Variants in RNF214 observed in about 807,000 individuals in gnomAD.
RNF214 encodes the protein ring finger protein 214.
Under a neutral mutation model 75.9 loss-of-function variants are expected in RNF214, and 25 were observed. That is an observed-to-expected ratio of 0.33 (90% CI 0.24 to 0.46). The LOEUF (loss-of-function observed/expected upper bound fraction) is 0.46. Ranked by LOEUF, RNF214 falls within the 20% of genes least tolerant of loss-of-function variation. RNF214 has a pLI of 1.00. For missense variants in RNF214, 725 were observed against 857.5 expected, an observed-to-expected ratio of 0.85 and a Z score of 1.93; for synonymous variants, 314 against 308.8, an observed-to-expected ratio of 1.02 and a Z score of -0.18.
intron 6 of RNF214, among the ~76,000 whole-genome samples, chr11:117,265,616 T>C (rs762140298): frequency 6.6e-6 from 1 of 152,152 alleles, no homozygotes; most frequent in South Asian, 2.1e-4. Context: ...GGTTTCACCA[T>C]GTTGGCCAGG....
chr11:117,244,800 G>C (rs1198616410), intron 5 of RNF214, among the ~76,000 whole-genome samples: 2 of 151,866 alleles, frequency 1.3e-5, no homozygotes, highest in South Asian at 4.2e-4. Flanking sequence ...CAAGTAGCTG[G>C]GAACACAGGT....
chr11:117,247,505 A>AT (rs1032878748), intron 6 of RNF214, among the ~76,000 whole-genome samples: 2 of 151,840 alleles, frequency 1.3e-5, no homozygotes, highest in Admixed American at 1.3e-4. Context: ...TTAAAAAAAA[A>AT]TTTTTTTTAT....
intron 4 of RNF214, among the ~76,000 whole-genome samples, chr11:117,243,523 GTTA>G (rs2033135335): frequency 6.6e-6 from 1 of 152,048 alleles, no homozygotes; most frequent in Non-Finnish European, 1.5e-5. Flanking sequence ...TTTGAAAATG[GTTA>G]TTATTTAATG....
chr11:117,266,463 G>C (rs1034584133), intron 6 of RNF214, among the ~76,000 whole-genome samples: 1 of 151,866 alleles, frequency 6.6e-6, no homozygotes, highest in Non-Finnish European at 1.5e-5. Flanking sequence ...AGGCTTAAGC[G>C]ATCTTCCCGC....
At chr11:117,263,424 C>T (rs531657399) in intron 6 of RNF214, among the ~76,000 whole-genome samples, 58 of 151,988 alleles carry the variant, frequency 3.8e-4, no homozygotes, top group African/African-American at 1.3e-3. Flanking sequence ...TACAGGCACA[C>T]GCCACCATGC....
chr11:117,239,263 C>G (rs2033004854), intron 3 of RNF214, 152 bp downstream of exon 3: 1 of 688,950 alleles, frequency 1.5e-6, no homozygotes, highest in East Asian at 2.6e-5. Flanking sequence ...TCATACAGTG[C>G]CATACAATGA....
chr11:117,243,503 A>T (rs1042342881), intron 4 of RNF214, among the ~76,000 whole-genome samples: 7 of 152,040 alleles, frequency 4.6e-5, no homozygotes, highest in Admixed American at 3.3e-4. Context: ...TGTTTTAAAA[A>T]TTTTTTTTCT....
At chr11:117,284,169 G>A (rs28989520) in intron 14 of RNF214, among the ~76,000 whole-genome samples, 267 of 152,272 alleles carry the variant, frequency 1.8e-3, no homozygotes, top group Non-Finnish European at 3.4e-3. Context: ...AGCATTGTCA[G>A]AAGACTTTGC....
chr11:117,273,324 C>T (rs1282690515), intron 6 of RNF214, among the ~76,000 whole-genome samples: 1 of 151,744 alleles, frequency 6.6e-6, no homozygotes, highest in East Asian at 1.9e-4. Flanking sequence ...TCTGAAACCA[C>T]ATCAATAAAC....
At chr11:117,262,076 T>TTG (rs1380705597) in intron 6 of RNF214, among the ~76,000 whole-genome samples, 4 of 147,200 alleles carry the variant, frequency 2.7e-5, no homozygotes, top group African/African-American at 9.9e-5. Context: ...TTGGTTTTTC[T>TTG]TTTTTTTTTT....
intron 6 of RNF214, among the ~76,000 whole-genome samples, chr11:117,261,705 G>A (rs2033665836): frequency 6.6e-6 from 1 of 152,134 alleles, no homozygotes; most frequent in African/African-American, 2.4e-5. Flanking sequence ...GAGTGCCGTG[G>A]CATAGTCTCG....
chr11:117,272,693 C>G (rs1235650122), intron 6 of RNF214, among the ~76,000 whole-genome samples: 1 of 151,518 alleles, frequency 6.6e-6, no homozygotes, highest in Non-Finnish European at 1.5e-5. Flanking sequence ...AGGAAGAACT[C>G]CAAGGTCTTA....
intron 6 of RNF214, among the ~76,000 whole-genome samples, chr11:117,249,949 A>G (rs1218684287): frequency 1.2e-4 from 18 of 152,294 alleles, no homozygotes; most frequent in Admixed American, 1.2e-3. Context: ...TAACAATTGT[A>G]TTTCCTGTTT....
At chr11:117,238,249 A>G (rs1301276937) in intron 2 of RNF214, among the ~76,000 whole-genome samples, 1 of 152,170 alleles carries the variant, frequency 6.6e-6, no homozygotes, top group Non-Finnish European at 1.5e-5. Flanking sequence ...TGCAAAAAAT[A>G]CAAAAAATTA....
chr11:117,250,008 A>G (rs993001993), intron 6 of RNF214, among the ~76,000 whole-genome samples: 1 of 152,242 alleles, frequency 6.6e-6, no homozygotes, highest in Non-Finnish European at 1.5e-5. Flanking sequence ...AGTATCTACT[A>G]TGAGCCAGAC....
intron 2 of RNF214, among the ~76,000 whole-genome samples, chr11:117,235,152 C>T (rs1319510390): frequency 6.6e-6 from 1 of 152,140 alleles, no homozygotes; most frequent in East Asian, 1.9e-4. Context: ...CAGATGCAAC[C>T]ATCCAATTTT....
At chr11:117,283,036 C>T in intron 13 of RNF214, 79 bp from the exon 14 acceptor site, 1 of 1,086,872 alleles carries the variant, frequency 9.2e-7, no homozygotes, top group East Asian at 2.4e-5. Context: ...AATCTTTTTG[C>T]TGCATGGAAT....
rs181426687 is a variant in RNF214 at position 117,238,675 on chromosome 11, A to G, written c.182A>G (p.Asn61Ser). The change falls in exon 3 of 15, where the codon AAT becomes AGT. Residue 61 changes from asparagine (N) to serine (S), a missense_variant. Coordinates refer to ENST00000300650, the MANE Select transcript of RNF214 (RefSeq NM_207343.4). Reference sequence around the variant, plus strand: ...AGTAGCCAAACAATAACCAAGGAGAATAACAGAAATGTCCATTTGGAGCAC... The same window carrying G: ...AGTAGCCAAACAATAACCAAGGAGAGTAACAGAAATGTCCATTTGGAGCAC... ...SVSSQTITKE[N>S]NRNVHLEHSE... 3.1e-6 allele frequency: 5 copies of G among 1,614,218 alleles called. No individual in the cohort carries two copies. In the East Asian group the frequency reaches 1.1e-4, roughly 36 times the overall value.
intron 1 of RNF214, 54 bp from the exon 2 acceptor site, chr11:117,234,213 A>G: frequency 2.3e-6 from 3 of 1,314,940 alleles, no homozygotes; most frequent in East Asian, 4.6e-5. Context: ...GGAGAGATAC[A>G]TTTGTTTTAA....
Sources: gnomAD v4.1 joint callset for allele counts (sites outside exome capture counted in the v4.1 genomes callset) on GRCh38, gnomAD v4.1.1 for gene constraint, MANE v1.5 for transcripts, NCBI Gene and HGNC (gene_info 2026-07-23, HGNC 2026-07-21) for gene names.